HDAC9: variants seen among roughly 807,000 people sequenced by gnomAD.
The protein encoded by HDAC9 is histone deacetylase 9.
Under a neutral mutation model 139.4 loss-of-function variants are expected in HDAC9, and 41 were observed. That is an observed-to-expected ratio of 0.29 (90% CI 0.23 to 0.38). The LOEUF is 0.38. Ranked by LOEUF, HDAC9 falls within the 10% of genes least tolerant of loss-of-function variation. The pLI is 1.00. For synonymous variants in HDAC9, 517 were observed against 476.2 expected (o/e 1.09, Z -1.12); for missense variants, 1,147 against 1,297.0 (o/e 0.88, Z 1.78).
At chr7:18,432,017 A>G (rs1333928518) in intron 1 of HDAC9, among the ~76,000 whole-genome samples, 2 of 152,206 alleles carry the variant, frequency 1.3e-5, no homozygotes, top group African/African-American at 4.8e-5. Context: ...TACTGGTTGA[A>G]GTGTCCTGAA....
chr7:18,437,061 A>G (rs745914714), intron 1 of HDAC9, among the ~76,000 whole-genome samples: 17 of 152,218 alleles, frequency 1.1e-4, no homozygotes, highest in Non-Finnish European at 7.3e-5. Flanking sequence ...TCACAGCACT[A>G]GCAGTCCAGT....
chr7:18,950,758 G>T (rs560193678), intron 23 of HDAC9, among the ~76,000 whole-genome samples: 73 of 151,908 alleles, frequency 4.8e-4, no homozygotes, highest in African/African-American at 1.7e-3. Context: ...GTCCTTGAAT[G>T]CTTGGTAAGG....
chr7:18,676,241 G>A (rs1781499185), intron 12 of HDAC9, among the ~76,000 whole-genome samples: 1 of 151,910 alleles, frequency 6.6e-6, no homozygotes, highest in Non-Finnish European at 1.5e-5. Context: ...AAATTTAGCA[G>A]TGCGGGGTTG....
chr7:18,407,225 A>C (rs1788096899), intron 1 of HDAC9, among the ~76,000 whole-genome samples: 2 of 152,030 alleles, frequency 1.3e-5, no homozygotes, highest in South Asian at 4.2e-4. Context: ...TCACCTATTT[A>C]TTGAGTTCTT....
chr7:18,396,488 C>A (rs975567176), intron 1 of HDAC9, among the ~76,000 whole-genome samples: 5 of 151,886 alleles, frequency 3.3e-5, no homozygotes, highest in Non-Finnish European at 7.4e-5. Flanking sequence ...AGTTGATATT[C>A]CCCCCTCCCC....
chr7:18,619,786 A>G (rs1218072415), intron 6 of HDAC9, among the ~76,000 whole-genome samples: 1 of 152,152 alleles, frequency 6.6e-6, no homozygotes, highest in African/African-American at 2.4e-5. Flanking sequence ...TTCCCTCACC[A>G]GCATACTTAA....
chr7:18,973,844 A>G (rs1036412102), intron 24 of HDAC9, among the ~76,000 whole-genome samples: 33 of 152,148 alleles, frequency 2.2e-4, no homozygotes, highest in Non-Finnish European at 4.4e-5. Context: ...AAGATGTGAA[A>G]TTGGTCTTCC....
intron 17 of HDAC9, among the ~76,000 whole-genome samples, chr7:18,805,277 T>C (rs1793615856): frequency 6.6e-6 from 1 of 152,296 alleles, no homozygotes; most frequent in South Asian, 2.1e-4. Flanking sequence ...TGTTGAGCTA[T>C]AGGAATTTGT....
chr7:18,560,675 T>C (rs17139316), intron 2 of HDAC9, among the ~76,000 whole-genome samples: 10,001 of 152,198 alleles, frequency 0.066, 398 homozygotes, highest in African/African-American at 0.1. Context: ...TATGTATTTG[T>C]TGGACGAGTG....
chr7:18,504,812 A>G lies in HDAC9; in HGVS notation c.22+8488A>G, dbSNP rs568509276. Among the ~76,000 whole-genome samples the G allele has an allele frequency of 5.3e-5, 8 of 152,348 alleles. No homozygotes were observed. In the South Asian group the frequency reaches 1.7e-3, roughly 32 times the overall value. ...TTGAGGAAATATATTCAGAGAGATAAGAAATTTACTGATGGTTACTGTAGG... is the reference window on the plus strand; with the variant it reads ...TTGAGGAAATATATTCAGAGAGATAGGAAATTTACTGATGGTTACTGTAGG... On this transcript the variant is annotated intron_variant, in intron 2 of 25. Coordinates refer to ENST00000686413, the MANE Select transcript of HDAC9 (RefSeq NM_178425.4).
At chr7:18,539,934 T>C (rs1812207006) in intron 2 of HDAC9, among the ~76,000 whole-genome samples, 1 of 151,796 alleles carries the variant, frequency 6.6e-6, no homozygotes, top group Non-Finnish European at 1.5e-5. Context: ...ATGGGAAGCA[T>C]AAGTACTTTT....
At chr7:18,875,883 T>G (rs1799285781) in intron 22 of HDAC9, among the ~76,000 whole-genome samples, 1 of 152,068 alleles carries the variant, frequency 6.6e-6, no homozygotes, top group Non-Finnish European at 1.5e-5. Context: ...GTACATCAAG[T>G]TGAGATAAAC....
intron 1 of HDAC9, among the ~76,000 whole-genome samples, chr7:18,403,953 T>A (rs1471381628): frequency 4.6e-5 from 7 of 152,008 alleles, no homozygotes; most frequent in Admixed American, 4.6e-4. Flanking sequence ...CCTGAATGAG[T>A]TAGCATTAGT....
At chr7:18,505,163 A>G (rs984930101) in intron 2 of HDAC9, among the ~76,000 whole-genome samples, 1 of 152,210 alleles carries the variant, frequency 6.6e-6, no homozygotes, top group Non-Finnish European at 1.5e-5. Flanking sequence ...GATGCTCTGG[A>G]CAGAAGCAGC....
At chr7:18,346,456 C>T (rs969812535) in intron 1 of HDAC9, among the ~76,000 whole-genome samples, 2 of 152,092 alleles carry the variant, frequency 1.3e-5, no homozygotes, top group East Asian at 1.9e-4. Flanking sequence ...ATGTCACAAC[C>T]GCTATTAACA....
chr7:18,418,991 A>T (rs554748479), intron 1 of HDAC9, among the ~76,000 whole-genome samples: 30 of 152,246 alleles, frequency 2.0e-4, no homozygotes, highest in Admixed American at 1.8e-3. Context: ...GCCCTGTACA[A>T]CTCATAGAAT....
chr7:18,561,115 A>G (rs1470738996), intron 2 of HDAC9, among the ~76,000 whole-genome samples: 1 of 152,208 alleles, frequency 6.6e-6, no homozygotes, highest in Non-Finnish European at 1.5e-5. Flanking sequence ...ATTAGAATAG[A>G]AGAAATAGAA....
intron 2 of HDAC9, among the ~76,000 whole-genome samples, chr7:18,187,901 G>T (rs2128146808): frequency 6.6e-6 from 1 of 152,252 alleles, no homozygotes; most frequent in African/African-American, 2.4e-5. Context: ...TCCCAGGCTT[G>T]TCTGATAAGA....
intron 25 of HDAC9, among the ~76,000 whole-genome samples, chr7:18,990,134 G>T (rs529431019): frequency 1.7e-4 from 26 of 152,276 alleles, no homozygotes; most frequent in Admixed American, 5.9e-4. Flanking sequence ...GGCACTCTGC[G>T]TTTTAGAGTT....
Sources: gnomAD v4.1 joint callset for allele counts (sites outside exome capture counted in the v4.1 genomes callset) on GRCh38, gnomAD v4.1.1 for gene constraint, MANE v1.5 for transcripts, NCBI Gene and HGNC (gene_info 2026-07-23, HGNC 2026-07-21) for gene names.